The following NAALADL2 variants were observed in gnomAD, a reference collection of about 807,000 sequenced individuals.
The protein encoded by NAALADL2 is N-acetylated alpha-linked acidic dipeptidase like 2.
NAALADL2 carries 76 observed loss-of-function variants against 87.2 expected under a neutral mutation model. The ratio of observed to expected loss-of-function variants is 0.87; its 90% CI spans 0.72 to 1.05. The LOEUF (loss-of-function observed/expected upper bound fraction) is 1.05, where lower values mean the gene tolerates loss of function less well. Ranked by LOEUF, NAALADL2 falls within the 50% of genes least tolerant of loss-of-function variation. NAALADL2 has a pLI of 0.00. For synonymous variants in NAALADL2, 354 were observed against 331.0 expected, an observed-to-expected ratio of 1.07 and a Z score of -0.75; for missense variants, 1,089 against 945.8, an observed-to-expected ratio of 1.15 and a Z score of -1.99.
intron 2 of NAALADL2, among the ~76,000 whole-genome samples, chr3:175,202,967 C>T (rs1740276330): frequency 6.6e-6 from 1 of 152,024 alleles, no homozygotes; most frequent in African/African-American, 2.4e-5. Context: ...CACCCACCTT[C>T]CCCCGCCCAA....
intron 2 of NAALADL2, among the ~76,000 whole-genome samples, chr3:175,137,570 T>C (rs538174586): frequency 2.0e-5 from 3 of 151,708 alleles, no homozygotes; most frequent in Admixed American, 2.0e-4. Context: ...TTAGATTACA[T>C]TTCTACAAAT....
chr3:175,117,819 T>C (rs932536587), intron 2 of NAALADL2, among the ~76,000 whole-genome samples: 2 of 152,236 alleles, frequency 1.3e-5, no homozygotes, highest in South Asian at 4.1e-4. Context: ...TGCACACGTA[T>C]GTTTATGGTG....
intron 3 of NAALADL2, among the ~76,000 whole-genome samples, chr3:174,827,640 C>T (rs1722151263): frequency 6.6e-6 from 1 of 152,132 alleles, no homozygotes; most frequent in Admixed American, 6.6e-5. Context: ...TTATCTCTTG[C>T]CATATAACAT....
At chr3:174,895,108 G>A (rs1178183477) in intron 1 of NAALADL2, among the ~76,000 whole-genome samples, 1 of 151,894 alleles carries the variant, frequency 6.6e-6, no homozygotes, top group Non-Finnish European at 1.5e-5. Context: ...ATGTATTGGT[G>A]CATCTTAAAG....
intron 1 of NAALADL2, among the ~76,000 whole-genome samples, chr3:174,886,856 A>G (rs77888023): frequency 0.03 from 4,632 of 152,234 alleles, 230 homozygotes; most frequent in African/African-American, 0.11. Flanking sequence ...CTCCTTTTAT[A>G]TTATCATTTC....
At position 175,568,283 on chromosome 3, in the gene NAALADL2, G is replaced by A. The variant is rs534941216; in HGVS notation, c.1654-7758G>A. Reference sequence around the variant, plus strand: ...ATCTGCAATGCATCATTAAATATTGGGTATTGGGTTCACATTTTGGCATAA... The same window carrying A: ...ATCTGCAATGCATCATTAAATATTGAGTATTGGGTTCACATTTTGGCATAA... On this transcript the variant is annotated intron_variant, in intron 9 of 13. Transcript: ENST00000454872. Among the ~76,000 whole-genome samples the A allele has an allele frequency of 1.1e-4, 16 of 151,916 alleles. No individual in the cohort carries two copies. The South Asian group carries it at 3.3e-3, about 32-fold the overall frequency.
chr3:175,201,052 G>A (rs1481014461), intron 2 of NAALADL2, among the ~76,000 whole-genome samples: 1 of 152,068 alleles, frequency 6.6e-6, no homozygotes, highest in Non-Finnish European at 1.5e-5. Flanking sequence ...ATGTCAAATT[G>A]TTCTGTGCTC....
At position 175,363,512 on chromosome 3, in the gene NAALADL2, C is replaced by G. The variant is rs977190408; in HGVS notation, c.1090+39187C>G. 1.1e-4 allele frequency among the ~76,000 whole-genome samples: 16 copies of G among 147,456 alleles called. 1 individual carries two copies. Among genetic ancestry groups the G allele is most frequent in the African/African-American group, 3.9e-4 (16 of 40,600 alleles). On this transcript the variant is annotated intron_variant, in intron 5 of 13. Transcript: ENST00000454872. The stretch of plus-strand genomic sequence containing the variant: ...ATGAGATAGAATCTTCCTTGTGTCT[C>G]TCTGTCTCTGACTCTGTCTCTCTGT...
rs1431690053 is a variant in NAALADL2 at position 175,691,527 on chromosome 3, G to T, written c.1897-45779G>T. Reference sequence around the variant, plus strand: ...TGTAATATTTTATCAATTGACTTTGGGTTTTCCAGGTTTAAAATTTTATCA... The same window carrying T: ...TGTAATATTTTATCAATTGACTTTGTGTTTTCCAGGTTTAAAATTTTATCA... On this transcript the variant is annotated intron_variant, in intron 11 of 13. Transcript: ENST00000454872. Among the ~76,000 whole-genome samples, 3 of 151,420 alleles carry T rather than the reference G, an allele frequency of 2.0e-5. No homozygotes were observed. The East Asian group carries it at 5.8e-4, about 30-fold the overall frequency.
At chr3:175,643,090 T>C (rs1729517861) in intron 11 of NAALADL2, among the ~76,000 whole-genome samples, 1 of 152,178 alleles carries the variant, frequency 6.6e-6, no homozygotes, top group South Asian at 2.1e-4. Context: ...AGAATAAGCA[T>C]TAAATATATG....
chr3:175,022,847 T>C (rs1193103548), intron 1 of NAALADL2, among the ~76,000 whole-genome samples: 1 of 146,152 alleles, frequency 6.8e-6, no homozygotes, highest in Non-Finnish European at 1.5e-5. Flanking sequence ...ATCCATCCAC[T>C]TGAAAATTTG....
chr3:174,748,429 G>A (rs1734495019), intron 3 of NAALADL2, among the ~76,000 whole-genome samples: 1 of 151,576 alleles, frequency 6.6e-6, no homozygotes, highest in African/African-American at 2.4e-5. Flanking sequence ...AGGGAACTCA[G>A]CTCTTCTGGT....
At chr3:174,968,503 A>T (rs943821395) in intron 1 of NAALADL2, among the ~76,000 whole-genome samples, 3 of 149,876 alleles carry the variant, frequency 2.0e-5, no homozygotes, top group Non-Finnish European at 4.5e-5. Context: ...TTTTCTAACT[A>T]TTTTTTTTTT....
In NAALADL2 at chr3:175,697,859, A is replaced by G. The variant is rs561048885; in HGVS notation, c.1897-39447A>G. On this transcript the variant is annotated intron_variant, in intron 11 of 13. Coordinates refer to ENST00000454872, the MANE Select transcript of NAALADL2 (RefSeq NM_207015.3). ...TATTTATGTATACATATATATGTGT[A>G]TATATGTATGTATACATATATATGT... Among the ~76,000 whole-genome samples, 11 of 96,206 alleles carry G rather than the reference A, an allele frequency of 1.1e-4. 1 individual carries two copies. The highest frequency in any genetic ancestry group is 2.1e-4 in the Admixed American group (2 of 9,608). 63.1% of individuals were successfully genotyped at this position (96,206 alleles called of 152,430 possible).
At chr3:175,500,251 T>TG (rs1729357331) in intron 9 of NAALADL2, among the ~76,000 whole-genome samples, 1 of 152,078 alleles carries the variant, frequency 6.6e-6, no homozygotes, top group African/African-American at 2.4e-5. Context: ...TAATCCAGAA[T>TG]GAGGTATTTT....
intron 3 of NAALADL2, among the ~76,000 whole-genome samples, chr3:175,255,165 T>C (rs1581139385): frequency 6.6e-6 from 1 of 152,178 alleles, no homozygotes; most frequent in East Asian, 1.9e-4. Flanking sequence ...ATAAAATTCA[T>C]CAGGTAGGTG....
At chr3:175,538,653 T>A (rs1401627819) in intron 9 of NAALADL2, among the ~76,000 whole-genome samples, 1 of 152,188 alleles carries the variant, frequency 6.6e-6, no homozygotes, top group Non-Finnish European at 1.5e-5. Flanking sequence ...TTGATATAAT[T>A]TCTCAGTAAG....
At chr3:174,941,974 T>C (rs1214665673) in intron 1 of NAALADL2, among the ~76,000 whole-genome samples, 2 of 152,116 alleles carry the variant, frequency 1.3e-5, no homozygotes, top group Non-Finnish European at 2.9e-5. Flanking sequence ...CTGTGCCTTT[T>C]AATTGGGAGC....
intron 3 of NAALADL2, among the ~76,000 whole-genome samples, chr3:174,780,559 C>G (rs1715838364): frequency 6.6e-6 from 1 of 152,076 alleles, no homozygotes; most frequent in Admixed American, 6.6e-5. Context: ...TGCCTTGTAC[C>G]TGTTTTCAAA....
Sources: allele counts gnomAD v4.1 joint callset (sites outside exome capture counted in the v4.1 genomes callset), GRCh38; gene constraint gnomAD v4.1.1; transcripts MANE v1.5; gene names NCBI Gene and HGNC (gene_info 2026-07-23, HGNC 2026-07-21).